CTNNA2: variants seen among roughly 807,000 people sequenced by gnomAD.
CTNNA2 encodes the protein catenin alpha-2.
Under a neutral mutation model 101.0 loss-of-function variants are expected in CTNNA2, and 42 were observed. That is an observed-to-expected ratio of 0.42 (90% CI 0.32 to 0.54). The LOEUF (loss-of-function observed/expected upper bound fraction) is 0.54, where lower values mean the gene tolerates loss of function less well. Ranked by LOEUF, CTNNA2 falls within the 20% of genes least tolerant of loss-of-function variation. The pLI, the probability that CTNNA2 is intolerant of heterozygous loss-of-function variation, is 0.14. For synonymous variants in CTNNA2, 450 were observed against 456.4 expected, an observed-to-expected ratio of 0.99 and a Z score of 0.18; for missense variants, 871 against 1,223.1, an observed-to-expected ratio of 0.71 and a Z score of 4.29.
At chr2:79,772,226 T>C (rs1673640315) in intron 3 of CTNNA2, among the ~76,000 whole-genome samples, 1 of 152,086 alleles carries the variant, frequency 6.6e-6, no homozygotes, top group Non-Finnish European at 1.5e-5. Flanking sequence ...AGAAAAAAGA[T>C]AGGGACATTA....
chr2:79,544,169 C>A (rs1391481100), intron 1 of CTNNA2, among the ~76,000 whole-genome samples: 1 of 152,176 alleles, frequency 6.6e-6, no homozygotes, highest in Non-Finnish European at 1.5e-5. Flanking sequence ...AACTCTGGAC[C>A]TCAAGTGATC....
chr2:79,776,086 A>T (rs185650771), intron 3 of CTNNA2, among the ~76,000 whole-genome samples: 509 of 152,314 alleles, frequency 3.3e-3, no homozygotes, highest in African/African-American at 0.012. Flanking sequence ...CAAAGCATTT[A>T]TTCAAACAGA....
intron 3 of CTNNA2, among the ~76,000 whole-genome samples, chr2:79,818,821 T>TTTTATATGTATATATATATATATATA (rs1553373413): frequency 1.3e-5 from 1 of 74,280 alleles, no homozygotes; most frequent in South Asian, 5.3e-4. Context: ...CAAAATGCAA[T>TTTTATATGTATATATATATATATATA]TATATATATA....
At chr2:79,785,630 G>T (rs753455786) in intron 3 of CTNNA2, among the ~76,000 whole-genome samples, 2 of 152,012 alleles carry the variant, frequency 1.3e-5, no homozygotes, top group Non-Finnish European at 2.9e-5. Context: ...ATATTTTCCA[G>T]AATATTTAAT....
chr2:79,484,263 T>A lies in CTNNA2; in HGVS notation c.-134-20791T>A, dbSNP rs193158092. On this transcript the variant is annotated intron_variant, in intron 4 of 21. Coordinates refer to the CTNNA2 transcript ENST00000466387. The stretch of plus-strand genomic sequence containing the variant: ...CACAATAAAATAAAATAAAATAAAA[T>A]ATAAATGTTAATTAATTAATTAGTT... 5.3e-5 allele frequency among the ~76,000 whole-genome samples: 8 copies of A among 152,060 alleles called. No homozygotes were observed. In the East Asian group the frequency reaches 1.6e-3, roughly 29 times the overall value.
chr2:79,437,210 G>A (rs1678726072), intron 4 of CTNNA2, among the ~76,000 whole-genome samples: 1 of 148,370 alleles, frequency 6.7e-6, no homozygotes, highest in Non-Finnish European at 1.5e-5. Flanking sequence ...CTCCAGCCTA[G>A]GCAACAAGAG....
chr2:79,758,852 A>C (rs184839342), intron 3 of CTNNA2, among the ~76,000 whole-genome samples: 1 of 152,332 alleles, frequency 6.6e-6, no homozygotes, highest in East Asian at 1.9e-4. Flanking sequence ...ACTGTTGATC[A>C]GTACCCAGGT....
At chr2:80,600,077 A>G (rs1697351124) in intron 15 of CTNNA2, among the ~76,000 whole-genome samples, 1 of 151,980 alleles carries the variant, frequency 6.6e-6, no homozygotes. Flanking sequence ...TTTAAAGATA[A>G]AAGGGAATAA....
At chr2:79,462,448 G>A (rs1023091696) in intron 4 of CTNNA2, among the ~76,000 whole-genome samples, 2 of 152,176 alleles carry the variant, frequency 1.3e-5, no homozygotes, top group African/African-American at 4.8e-5. Flanking sequence ...AGTCCTTTTT[G>A]GAGAACTAAG....
intron 17 of CTNNA2, among the ~76,000 whole-genome samples, chr2:80,617,150 A>C (rs921795014): frequency 6.6e-6 from 1 of 151,768 alleles, no homozygotes; most frequent in Admixed American, 6.6e-5. Flanking sequence ...CATTAATCTT[A>C]ATGAACTTTA....
intron 7 of CTNNA2, among the ~76,000 whole-genome samples, chr2:79,956,856 T>G (rs1305571276): frequency 2.0e-5 from 3 of 148,552 alleles, no homozygotes; most frequent in East Asian, 2.0e-4. Context: ...TTTTTTTTTT[T>G]TTTTTTTTTT....
intron 9 of CTNNA2, among the ~76,000 whole-genome samples, chr2:80,530,355 G>A (rs904937256): frequency 3.3e-4 from 51 of 152,296 alleles, no homozygotes; most frequent in African/African-American, 1.2e-3. Context: ...ATAAAAGGAA[G>A]AGTTGTAGGG....
intron 7 of CTNNA2, among the ~76,000 whole-genome samples, chr2:80,224,740 C>G (rs1052950190): frequency 1.3e-5 from 2 of 152,136 alleles, no homozygotes; most frequent in Non-Finnish European, 2.9e-5. Context: ...CACTCGTGCC[C>G]AGCCACAGCT....
intron 13 of CTNNA2, among the ~76,000 whole-genome samples, chr2:80,578,573 A>G (rs1490698795): frequency 2.6e-5 from 4 of 152,222 alleles, no homozygotes; most frequent in Non-Finnish European, 5.9e-5. Context: ...AGCAAACTGC[A>G]CATGCACAGA....
At chr2:79,652,239 T>A (rs1207470772) in intron 2 of CTNNA2, among the ~76,000 whole-genome samples, 3 of 50,150 alleles carry the variant, frequency 6.0e-5, no homozygotes, top group East Asian at 2.7e-3. Flanking sequence ...TGGGATGTGA[T>A]TTTTTTTTTT....
At chr2:79,211,274 G>A (rs987220613) in intron 2 of CTNNA2, among the ~76,000 whole-genome samples, 1 of 152,186 alleles carries the variant, frequency 6.6e-6, no homozygotes, top group African/African-American at 2.4e-5. Context: ...GTACAACTGA[G>A]AGCTGAAAAA....
intron 7 of CTNNA2, among the ~76,000 whole-genome samples, chr2:80,269,228 G>T (rs1183824059): frequency 6.6e-6 from 1 of 152,168 alleles, no homozygotes; most frequent in African/African-American, 2.4e-5. Context: ...GGAGGTAATT[G>T]CATCACAGAG....
intron 3 of CTNNA2, among the ~76,000 whole-genome samples, chr2:79,346,720 C>CA (rs1183479567): frequency 1.3e-5 from 2 of 152,178 alleles, no homozygotes; most frequent in Non-Finnish European, 2.9e-5. Context: ...TTGTCTTTCA[C>CA]AAAATATTGC....
At chr2:80,056,948 T>G (rs569596343) in intron 7 of CTNNA2, among the ~76,000 whole-genome samples, 33 of 152,322 alleles carry the variant, frequency 2.2e-4, no homozygotes, top group Admixed American at 5.2e-4. Context: ...TCCTGGCCAA[T>G]GAGCATAGAA....
Sources: gnomAD v4.1 joint callset for allele counts (sites outside exome capture counted in the v4.1 genomes callset) on GRCh38, gnomAD v4.1.1 for gene constraint, MANE v1.5 for transcripts, NCBI Gene and HGNC (gene_info 2026-07-23, HGNC 2026-07-21) for gene names.